Variants in PCP4 observed in about 807,000 individuals in gnomAD.
PCP4 encodes the protein Purkinje cell protein 4, also known as calmodulin regulator protein PCP4.
Under a neutral mutation model 10.0 loss-of-function variants are expected in PCP4, and 8 were observed. The observed-to-expected ratio is 0.80, with a 90% CI of 0.47 to 1.45. The LOEUF is 1.45. Among genes scored for constraint, PCP4 ranks in the 40% most tolerant of loss-of-function variants. The probability of loss-of-function intolerance (pLI) is 0.00; values close to 1 mark genes in which losing one functional copy is unlikely to be tolerated. For synonymous variants in PCP4, 21 were observed against 23.0 expected (o/e 0.91, Z 0.24); for missense variants, 54 against 74.4 (o/e 0.73, Z 1.01).
rs1406207925 is a variant in PCP4, at chr21:39,906,696, C to A, written c.61+8169C>A. Reference sequence around the variant, plus strand: ...CTTTAGATCAGCTGAAATAGAATTTCATTCCACATCATACAGAGAAAGCTT... The same window carrying A: ...CTTTAGATCAGCTGAAATAGAATTTAATTCCACATCATACAGAGAAAGCTT... On this transcript the variant is annotated intron_variant, in intron 2 of 2. Transcript: ENST00000328619. This position sits in a 1 kb window ranked among gnomAD's most constrained non-coding sequence, Gnocchi z 6.3. Among the ~76,000 whole-genome samples the A allele has an allele frequency of 6.6e-6, 1 of 152,006 alleles. No individual in the cohort carries two copies. Among genetic ancestry groups the A allele is most frequent in the African/African-American group, 2.4e-5 (1 of 41,390 alleles).
intron 2 of PCP4, among the ~76,000 whole-genome samples, chr21:39,913,358 T>C (rs2146345733): frequency 1.3e-5 from 2 of 152,332 alleles, no homozygotes; most frequent in East Asian, 3.9e-4. Flanking sequence ...AGTTTAACTG[T>C]CACAGGGCTG....
At chr21:39,892,154 C>T (rs141122682) in intron 1 of PCP4, among the ~76,000 whole-genome samples, 4,714 of 152,288 alleles carry the variant, frequency 0.031, 224 homozygotes, top group African/African-American at 0.1. Context: ...GGCCCCTATG[C>T]GGGCGTGACA....
intron 2 of PCP4, among the ~76,000 whole-genome samples, chr21:39,908,556 A>G (rs2087524029): frequency 1.3e-5 from 2 of 152,160 alleles, no homozygotes; most frequent in South Asian, 2.1e-4. Flanking sequence ...GCTTCCAGCC[A>G]CACACCCACA....
chr21:39,922,301 A>G (rs980415564), intron 2 of PCP4, among the ~76,000 whole-genome samples: 8 of 152,240 alleles, frequency 5.3e-5, no homozygotes. Flanking sequence ...GATCTATTTA[A>G]TGCTCAATAA....
At chr21:39,881,663 A>G (rs975509335) in intron 1 of PCP4, among the ~76,000 whole-genome samples, 1 of 152,184 alleles carries the variant, frequency 6.6e-6, no homozygotes, top group African/African-American at 2.4e-5. Context: ...CCTATTTTCA[A>G]ATGCAGAGTC....
intron 1 of PCP4, among the ~76,000 whole-genome samples, chr21:39,884,155 G>A (rs972579675): frequency 2.6e-5 from 4 of 151,838 alleles, no homozygotes; most frequent in African/African-American, 9.7e-5. Context: ...TTGTATGTTC[G>A]ATGAGTTTTG....
At position 39,929,103 on chromosome 21, in the gene PCP4, C is replaced by T; in HGVS notation, c.181C>T (p.Gln61Ter). 1.2e-6 allele frequency: 2 copies of T among 1,613,480 alleles called. No homozygotes were observed. The highest frequency in any genetic ancestry group is 1.7e-6 in the Non-Finnish European group (2 of 1,179,652). The change falls in exon 3 of 3, where the codon CAG (glutamine) becomes TAG (stop). Residue 61 changes from glutamine to a stop codon, truncating the protein, a stop_gained. Transcript: ENST00000328619. LOFTEE classifies it high-confidence loss of function. ...RKFQKKKAGS[Q>*]S ...ATTCCAGAAGAAGAAGGCTGGGTCT[C>T]AGTCCTAGTGGGAGAACCCCCTCCT...
rs1015812215 is a variant in PCP4 at position 39,913,305 on chromosome 21, C to T, written c.61+14778C>T. 4.6e-5 allele frequency among the ~76,000 whole-genome samples: 7 copies of T among 152,210 alleles called. No individual in the cohort carries two copies. The South Asian group carries it at 6.2e-4, about 14-fold the overall frequency. ...GCTCCAAACCTACAAAGAGAAGGGA[C>T]GTGAGGGGCTGTGGCTGTGGATTAG... On this transcript the variant is annotated intron_variant, in intron 2 of 2. Transcript: ENST00000328619.
At chr21:39,895,702 A>G (rs972956609) in intron 1 of PCP4, among the ~76,000 whole-genome samples, 2 of 152,208 alleles carry the variant, frequency 1.3e-5, no homozygotes, top group African/African-American at 4.8e-5. Flanking sequence ...TCAGAACTCA[A>G]TGAGTTGATG....
chr21:39,871,596 A>G (rs1004613212), intron 1 of PCP4, among the ~76,000 whole-genome samples: 2 of 152,374 alleles, frequency 1.3e-5, no homozygotes, highest in Non-Finnish European at 2.9e-5. Context: ...GGACAACACC[A>G]TGAAAGATAC....
chr21:39,918,491 G>T (rs1015931212), intron 2 of PCP4, among the ~76,000 whole-genome samples: 3 of 152,300 alleles, frequency 2.0e-5, no homozygotes, highest in East Asian at 3.9e-4. Context: ...AAGACTGTGG[G>T]TTTCAGAATA....
chr21:39,910,307 C>T (rs955488428), intron 2 of PCP4, among the ~76,000 whole-genome samples: 2 of 152,116 alleles, frequency 1.3e-5, no homozygotes, highest in Admixed American at 6.5e-5. Flanking sequence ...GGGCAGACCT[C>T]GCTTCCCACA....
chr21:39,926,409 A>T, intron 2 of PCP4, among the ~76,000 whole-genome samples: 1 of 152,232 alleles, frequency 6.6e-6, no homozygotes, highest in East Asian at 1.9e-4. Context: ...ATCATTATAA[A>T]AGGGAAAAGA....
At chr21:39,926,938 T>C (rs571528661) in intron 2 of PCP4, among the ~76,000 whole-genome samples, 2 of 152,254 alleles carry the variant, frequency 1.3e-5, no homozygotes, top group Non-Finnish European at 2.9e-5. Flanking sequence ...AGCACCCCCA[T>C]CCCCTGCCTC....
intron 1 of PCP4, among the ~76,000 whole-genome samples, chr21:39,876,815 C>T (rs776235929): frequency 6.6e-6 from 1 of 152,204 alleles, no homozygotes; most frequent in African/African-American, 2.4e-5. Context: ...GTGGTCTGTG[C>T]CAACAGCACT....
At chr21:39,926,284 C>T (rs771623989) in intron 2 of PCP4, 2 of 252,770 alleles carry the variant, frequency 7.9e-6, no homozygotes, top group Admixed American at 4.9e-5. Flanking sequence ...GATATAAGTG[C>T]AAAATTGATT....
intron 2 of PCP4, among the ~76,000 whole-genome samples, chr21:39,911,794 G>GA (rs1341938570): frequency 6.6e-6 from 1 of 152,204 alleles, no homozygotes; most frequent in Admixed American, 6.5e-5. Context: ...CCGTAGTTTT[G>GA]AAATTATAAT....
intron 2 of PCP4, chr21:39,926,092 G>A (rs534995439): frequency 9.2e-5 from 42 of 455,824 alleles, no homozygotes; most frequent in South Asian, 5.1e-4. Context: ...CTGGCTCAGC[G>A]GAAGGAGCTC....
chr21:39,874,961 A>G (rs550751458), intron 1 of PCP4, among the ~76,000 whole-genome samples: 288 of 152,314 alleles, frequency 1.9e-3, no homozygotes, highest in Non-Finnish European at 3.0e-3. Flanking sequence ...ATGTTCTTAG[A>G]CAGCAAGCGG....
Sources: allele counts gnomAD v4.1 joint callset (sites outside exome capture counted in the v4.1 genomes callset), GRCh38; gene constraint gnomAD v4.1.1; non-coding constraint Gnocchi (gnomAD v3.1); transcripts MANE v1.5; gene names NCBI Gene and HGNC (gene_info 2026-07-23, HGNC 2026-07-21).